ARFGEF1: variants seen among roughly 807,000 people sequenced by gnomAD.
ARFGEF1 encodes ARF guanine nucleotide exchange factor 1, also known as brefeldin A-inhibited guanine nucleotide-exchange protein 1.
In ARFGEF1, 42 loss-of-function variants were observed where a neutral mutation model predicts 231.0. That is an observed-to-expected ratio of 0.18 (90% CI 0.14 to 0.24). ARFGEF1 has a LOEUF of 0.24. ARFGEF1 is among the 10% of genes least tolerant of loss of function. ARFGEF1 has a pLI of 1.00. For missense variants in ARFGEF1, 1,345 were observed against 2,192.0 expected, an observed-to-expected ratio of 0.61 and a Z score of 7.72; for synonymous variants, 710 against 732.3, an observed-to-expected ratio of 0.97 and a Z score of 0.49.
chr8:67,318,512 AG>A (rs1277242941), intron 1 of ARFGEF1, among the ~76,000 whole-genome samples: 2 of 152,214 alleles, frequency 1.3e-5, no homozygotes, highest in Admixed American at 6.5e-5. Context: ...GAAATACAAC[AG>A]TTCTTATTCA....
intron 5 of ARFGEF1, among the ~76,000 whole-genome samples, chr8:67,184,690 C>T (rs1277331444): frequency 1.3e-5 from 2 of 151,468 alleles, no homozygotes; most frequent in Admixed American, 6.6e-5. Context: ...TGCCACTGCA[C>T]TCCAGCCTGC....
rs780826544 is a variant in ARFGEF1 at position 67,247,505 on chromosome 8, T to C, written c.2850+3794A>G. On this transcript the variant is annotated intron_variant, in intron 19 of 38. Transcript: ENST00000262215. ...AGACAATACCATATGATCATTTCAA[T>C]TGATTGAAAAAGCATTTGATAAAAA... Among the ~76,000 whole-genome samples, 28 of 150,498 alleles carry C rather than the reference T, an allele frequency of 1.9e-4. 1 individual carries two copies. Among genetic ancestry groups the C allele is most frequent in the Non-Finnish European group, 3.4e-4 (23 of 67,760 alleles).
chr8:67,296,585 TGTG>T lies in ARFGEF1; in HGVS notation c.482_484del (p.Ser161_Gln162delinsTer). 6.2e-7 allele frequency: 1 copy of T among 1,612,876 alleles called. No individual in the cohort carries two copies. The highest frequency in any genetic ancestry group is 8.5e-7 in the Non-Finnish European group (1 of 1,179,396). On this transcript the variant is annotated stop_gained and inframe_deletion, in exon 5 of 39. Transcript: ENST00000262215. LOFTEE classifies it high-confidence loss of function. ...AGTCCCTTCATGAATTTCTATGTGT[TGTG>T]ATGTTACTGCAGTAAGTAAAGCCTT...
chr8:67,332,541 C>T (rs532979335), intron 1 of ARFGEF1, among the ~76,000 whole-genome samples: 11 of 152,244 alleles, frequency 7.2e-5, no homozygotes, highest in African/African-American at 1.7e-4. Flanking sequence ...ATATTGTACA[C>T]GACAGATTTG....
At chr8:67,275,491 C>A (rs1290716449) in intron 9 of ARFGEF1, among the ~76,000 whole-genome samples, 1 of 152,074 alleles carries the variant, frequency 6.6e-6, no homozygotes, top group Non-Finnish European at 1.5e-5. Context: ...CATTATCTTT[C>A]ATTACAACTT....
Position 67,296,486 on chromosome 8 carries a change from T to C in ARFGEF1, c.584A>G (p.Lys195Arg), listed in dbSNP as rs1231875440. ...SKNLINQTTA[K>R]ATLTQMLNVI... is the part of the protein sequence containing the mutation. ...ATTTAGCATCTGAGTGAGAGTAGCTTTGGCTGTTGTCTGATTGATGAGATT... is the reference window on the plus strand; with the variant it reads ...ATTTAGCATCTGAGTGAGAGTAGCTCTGGCTGTTGTCTGATTGATGAGATT... Residue 195 changes from lysine to arginine, a missense_variant, in exon 5 of 39, where the codon AAA (lysine) becomes AGA (arginine). This residue lies in a region of ARFGEF1 where 398 missense variants were observed against 463.2 expected (regional missense o/e 0.86). Coordinates refer to ENST00000262215, the MANE Select transcript of ARFGEF1 (RefSeq NM_006421.5). The C allele has an allele frequency of 1.2e-6, 2 of 1,614,064 alleles. No individual in the cohort carries two copies. The highest frequency in any genetic ancestry group is 1.7e-6 in the Non-Finnish European group (2 of 1,179,976).
intron 17 of ARFGEF1, among the ~76,000 whole-genome samples, chr8:67,255,309 T>C (rs1415255547): frequency 6.6e-6 from 1 of 152,246 alleles, no homozygotes; most frequent in African/African-American, 2.4e-5. Flanking sequence ...TCTTGACTTT[T>C]ATCCTCGTGT....
rs569735007 is a variant in ARFGEF1, at chr8:67,226,210, T to C, written c.3917-27A>G. The C allele has an allele frequency of 8.7e-6, 13 of 1,490,470 alleles. No homozygotes were observed. In the East Asian group the frequency reaches 3.0e-4, roughly 35 times the overall value. The allele number at this position is 1,490,470 out of a possible 1,614,324, so 92.3% of individuals were successfully genotyped here. On this transcript the variant is annotated intron_variant, in intron 27 of 38. Coordinates refer to ENST00000262215, the MANE Select transcript of ARFGEF1 (RefSeq NM_006421.5). ...TAAAATAGAGAAAAATATATATTAC[T>C]ATAATTTTTCAATTATTCTTAGCTG...
At chr8:67,174,465 A>C (rs1831130549), downstream of ARFGEF1, 1 of 152,304 alleles carries the variant, frequency 6.6e-6, no homozygotes, top group African/African-American at 2.4e-5. Context: ...CTCAAGATTA[A>C]AAAATTTTTA....
chr8:67,209,923 C>T (rs867319355), intron 34 of ARFGEF1, among the ~76,000 whole-genome samples: 52 of 151,736 alleles, frequency 3.4e-4, no homozygotes, highest in Middle Eastern at 6.9e-3. Context: ...GAGGCCAAGC[C>T]GGGTGGATCA....
intron 4 of ARFGEF1, among the ~76,000 whole-genome samples, chr8:67,298,202 G>C (rs112442060): frequency 0.025 from 3,808 of 151,988 alleles, 111 homozygotes; most frequent in South Asian, 0.047. Context: ...ACACATGAAA[G>C]AACACTTCAT....
chr8:67,219,707 A>G, intron 29 of ARFGEF1, 147 bp from the exon 30 acceptor site: 1 of 779,160 alleles, frequency 1.3e-6, no homozygotes. Flanking sequence ...TAAAAAATTT[A>G]AGTTGTAAGA....
At chr8:67,214,591 A>T (rs1268789803) in intron 33 of ARFGEF1, among the ~76,000 whole-genome samples, 1 of 152,348 alleles carries the variant, frequency 6.6e-6, no homozygotes, top group South Asian at 2.1e-4. Context: ...ATAGCTGGAC[A>T]ACTTTTTGCC....
chr8:67,188,893 C>T (rs1835421467), intron 5 of ARFGEF1, among the ~76,000 whole-genome samples: 1 of 152,198 alleles, frequency 6.6e-6, no homozygotes, highest in African/African-American at 2.4e-5. Context: ...TCTAATAGAG[C>T]TTTAACATTC....
chr8:67,209,372 T>C (rs907895587), intron 34 of ARFGEF1, among the ~76,000 whole-genome samples: 5 of 152,180 alleles, frequency 3.3e-5, no homozygotes, highest in African/African-American at 9.7e-5. Context: ...ATATGCAGAA[T>C]AGGCAATTCA....
Position 67,218,199 on chromosome 8 carries a change from AAAAAAAAAATAT to A in ARFGEF1, c.4339-73_4339-62del, listed in dbSNP as rs1213855543. On this transcript the variant is annotated intron_variant, in intron 30 of 38. Transcript: ENST00000262215. ...TAATCAACTACTATGATTAAAAAAA[AAAAAAAAAATAT>A]ATATATATATATATATATATATAAA... 1.0e-4 allele frequency: 20 copies of A among 190,992 alleles called. 1 individual carries two copies. The African/African-American group carries it at 1.2e-3, about 11-fold the overall frequency. The allele number at this position is 190,992 out of a possible 1,614,324, so 11.8% of individuals were successfully genotyped here. A position where few individuals can be genotyped will look rare whatever the true frequency, so the allele number is the denominator to read the frequency against.
downstream of ARFGEF1, chr8:67,174,331 T>C (rs757263222): frequency 1.3e-5 from 2 of 152,206 alleles, no homozygotes; most frequent in Non-Finnish European, 2.9e-5. Context: ...GCTTTATACA[T>C]ATTTAGGACC....
Position 67,216,629 on chromosome 8 carries a change from A to C in ARFGEF1, c.4647T>G (p.Thr1549=). The C allele has an allele frequency of 1.2e-6, 2 of 1,609,320 alleles. No individual in the cohort carries two copies. The highest frequency in any genetic ancestry group is 1.7e-6 in the Non-Finnish European group (2 of 1,178,698). The change falls in exon 33 of 39, where the codon ACT becomes ACG. Residue 1549 remains threonine, a synonymous_variant. Transcript: ENST00000262215. ...TTACAGGAGATGGAGGTGGGGGGGC[A>C]GTTTCTCCAGAATTGGGTCGCCAGG... The part of the protein sequence containing the change: ...LLTWRPNSGE[T]APPPPSPVSE...
In ARFGEF1 at chr8:67,343,458, C is replaced by A; in HGVS notation, c.-171G>T. On this transcript the variant is annotated 5_prime_UTR_variant, in exon 1 of 39. Coordinates refer to ENST00000262215, the MANE Select transcript of ARFGEF1 (RefSeq NM_006421.5). ...GAAGGGGCGGGCGAGCGGGACCAGC[C>A]GCGGTGTCGGCGAAGGGCGTCGAGG... 7.4e-7 allele frequency: 1 copy of A among 1,347,188 alleles called. No individual in the cohort carries two copies. The highest frequency in any genetic ancestry group is 1.9e-5 in the South Asian group (1 of 53,226). 83.5% of individuals were successfully genotyped at this position (1,347,188 alleles called of 1,614,324 possible). A position where few individuals can be genotyped will look rare whatever the true frequency, so the allele number is the denominator to read the frequency against.
Sources: allele counts gnomAD v4.1 joint callset (sites outside exome capture counted in the v4.1 genomes callset), GRCh38; gene constraint gnomAD v4.1.1; regional missense constraint gnomAD v4.1.1; transcripts MANE v1.5; gene names NCBI Gene and HGNC (gene_info 2026-07-23, HGNC 2026-07-21).